The following C2orf42 variants were observed in gnomAD, a reference collection of about 807,000 sequenced individuals.
C2orf42 encodes the protein chromosome 2 open reading frame 42.
In C2orf42, 44 loss-of-function variants were observed where a neutral mutation model predicts 58.9. That is an observed-to-expected ratio of 0.75 (90% CI 0.59 to 0.96). C2orf42 has a LOEUF of 0.96. Ranked by LOEUF, C2orf42 falls within the 40% of genes least tolerant of loss-of-function variation. The probability of loss-of-function intolerance (pLI) is 0.00; values close to 1 mark genes in which losing one functional copy is unlikely to be tolerated. For missense variants in C2orf42, 630 were observed against 699.2 expected, an observed-to-expected ratio of 0.90 and a Z score of 1.12; for synonymous variants, 239 against 265.4, an observed-to-expected ratio of 0.90 and a Z score of 0.97.
intron 9 of C2orf42, among the ~76,000 whole-genome samples, chr2:70,157,975 C>T (rs1024069714): frequency 2.6e-5 from 4 of 151,948 alleles, no homozygotes; most frequent in Non-Finnish European, 5.9e-5. Context: ...CCGAGGTGGG[C>T]GGATCACCAG....
At chr2:70,173,081 T>C (rs912923256) in intron 5 of C2orf42, among the ~76,000 whole-genome samples, 7 of 151,862 alleles carry the variant, frequency 4.6e-5, no homozygotes, top group African/African-American at 9.7e-5. Context: ...GAGATGAACC[T>C]GGGAGGCGAA....
Position 70,181,595 on chromosome 2 carries a change from T to G in C2orf42, c.391A>C (p.Asn131His). 1 of 1,614,110 alleles carries G rather than the reference T, an allele frequency of 6.2e-7. No individual in the cohort carries two copies. Among genetic ancestry groups the G allele is most frequent in the Non-Finnish European group, 8.5e-7 (1 of 1,180,030 alleles). ...GCCAGCTTGATGTGCTGGCACTGGT[T>G]TTCCACAACGCCTTGAGTGGCAGCT... is the stretch of plus-strand genomic sequence containing the variant. ...LKAATQGVVE[N>H]QCQHIKLAVN... The change falls in exon 3 of 10, where the codon AAC becomes CAC. Residue 131 changes from asparagine to histidine, a missense_variant. Coordinates refer to ENST00000264434, the MANE Select transcript of C2orf42 (RefSeq NM_017880.3).
chr2:70,185,701 A>C (rs114433417), intron 1 of C2orf42, among the ~76,000 whole-genome samples: 4,250 of 151,684 alleles, frequency 0.028, 170 homozygotes, highest in African/African-American at 0.096. Context: ...AAACAGAGTG[A>C]GACTTTGTCA....
At chr2:70,172,551 TGCCTGTAGTCCCA>T (rs1322962164) in intron 5 of C2orf42, among the ~76,000 whole-genome samples, 1 of 152,074 alleles carries the variant, frequency 6.6e-6, no homozygotes, top group African/African-American at 2.4e-5. Flanking sequence ...TGGTGGCATG[TGCCTGTAGTCCCA>T]GCTACTTGGG....
In C2orf42 at chr2:70,160,750, C is replaced by G; in HGVS notation, c.1391G>C (p.Arg464Pro). Residue 464 changes from arginine (R) to proline (P), a missense_variant, in exon 9 of 10, where the codon CGA becomes CCA. Coordinates refer to ENST00000264434, the MANE Select transcript of C2orf42 (RefSeq NM_017880.3). ...LEITRSFIQN[R>P]DGTYELFKCP... ...TTTAAATAGCTCATAAGTCCCATCT[C>G]GGTTCTGGATAAAGCTACGGGTGAT... 6.2e-7 allele frequency: 1 copy of G among 1,610,766 alleles called. No individual in the cohort carries two copies. Among genetic ancestry groups the G allele is most frequent in the Non-Finnish European group, 8.5e-7 (1 of 1,178,688 alleles).
chr2:70,182,118 T>A (rs74804018), intron 2 of C2orf42, 121 bp from the exon 3 acceptor site: 1 of 598,684 alleles, frequency 1.7e-6, no homozygotes. Flanking sequence ...TTTTTTTTTT[T>A]AGACGGAGTC....
At chr2:70,168,696 A>G (rs1324578444) in intron 6 of C2orf42, among the ~76,000 whole-genome samples, 1 of 149,806 alleles carries the variant, frequency 6.7e-6, no homozygotes, top group East Asian at 2.0e-4. Flanking sequence ...GTGTTCTCCA[A>G]TCTTCCTCAG....
At chr2:70,179,382 A>T in intron 4 of C2orf42, 150 bp downstream of exon 4, 1 of 307,294 alleles carries the variant, frequency 3.3e-6, no homozygotes, top group Admixed American at 4.8e-5. Flanking sequence ...CAGCCTGGGC[A>T]AGATGGTAAG....
At chr2:70,180,607 C>CAA (rs59381817) in intron 3 of C2orf42, among the ~76,000 whole-genome samples, 797 of 56,926 alleles carry the variant, frequency 0.014, 42 homozygotes, top group African/African-American at 0.043. Flanking sequence ...GATTCTGTCT[C>CAA]AAAAAAAAAA....
chr2:70,181,835 A>G lies in C2orf42; in HGVS notation c.151T>C (p.Phe51Leu), dbSNP rs1323266483. 1.9e-6 allele frequency: 3 copies of G among 1,614,172 alleles called. No homozygotes were observed. Among genetic ancestry groups the G allele is most frequent in the Non-Finnish European group, 2.5e-6 (3 of 1,180,008 alleles). The change falls in exon 3 of 10, where the codon TTC (phenylalanine) becomes CTC (leucine). Residue 51 changes from phenylalanine (F) to leucine (L), a missense_variant. Coordinates refer to ENST00000264434, the MANE Select transcript of C2orf42 (RefSeq NM_017880.3). The part of the protein sequence containing the change: ...SCKNKTCGTI[F>L]RYGARKQPSV... Reference sequence around the variant, plus strand: ...GGCTGCTTGCGTGCACCGTAGCGGAATATGGTTCCACATGTCTTGTTCTTA... The same window carrying G: ...GGCTGCTTGCGTGCACCGTAGCGGAGTATGGTTCCACATGTCTTGTTCTTA...
chr2:70,169,668 A>AG lies in C2orf42; in HGVS notation c.1040-8_1040-7insC. On this transcript the variant is annotated splice_region_variant and splice_polypyrimidine_tract_variant and intron_variant, in intron 5 of 9. Coordinates refer to ENST00000264434, the MANE Select transcript of C2orf42 (RefSeq NM_017880.3). Reference sequence around the variant, plus strand: ...TCTAACAGCTGACCACAGGCTAGGGAAAAAAAAACCACACATACACACTTC... The same window carrying AG: ...TCTAACAGCTGACCACAGGCTAGGGAGAAAAAAAACCACACATACACACTTC... 1.4e-6 allele frequency: 2 copies of AG among 1,429,608 alleles called. No homozygotes were observed. The highest frequency in any genetic ancestry group is 1.4e-5 in the African/African-American group (1 of 71,158). The allele number at this position is 1,429,608 out of a possible 1,614,324, so 88.6% of individuals were successfully genotyped here. A position where few individuals can be genotyped will look rare whatever the true frequency, so the allele number is the denominator to read the frequency against.
chr2:70,181,872 C>T lies in C2orf42; in HGVS notation c.114G>A (p.Arg38=). The part of the protein sequence containing the change: ...CPRCGTYNGT[R]GLSCKNKTCG... ...ATGTCTTGTTCTTACAGCTCAGTCC[C>T]CGGGTTCCATTGTATGTGCCACATC... is the stretch of plus-strand genomic sequence containing the variant. The change falls in exon 3 of 10, where the codon CGG becomes CGA. Residue 38 remains arginine (R), a synonymous_variant. Coordinates refer to ENST00000264434, the MANE Select transcript of C2orf42 (RefSeq NM_017880.3). 6.2e-7 allele frequency: 1 copy of T among 1,613,988 alleles called. No individual in the cohort carries two copies. The highest frequency in any genetic ancestry group is 8.5e-7 in the Non-Finnish European group (1 of 1,179,918).
chr2:70,172,333 A>G (rs1396264228), intron 5 of C2orf42, among the ~76,000 whole-genome samples: 1 of 151,870 alleles, frequency 6.6e-6, no homozygotes, highest in Non-Finnish European at 1.5e-5. Context: ...GCATCTGGAT[A>G]TCTCCAAATT....
chr2:70,176,451 C>A (rs1030206920), intron 4 of C2orf42, among the ~76,000 whole-genome samples: 2 of 151,704 alleles, frequency 1.3e-5, no homozygotes, highest in African/African-American at 4.8e-5. Flanking sequence ...TTGCAGTGAG[C>A]CGAGACTGCG....
intron 3 of C2orf42, 122 bp downstream of exon 3, chr2:70,181,041 T>G: frequency 6.0e-6 from 3 of 503,194 alleles, no homozygotes; most frequent in Non-Finnish European, 1.0e-5. Context: ...GGAACACTTT[T>G]CATTTGAATT....
At chr2:70,190,080 G>C (rs1483915817) in intron 1 of C2orf42, 3 of 152,212 alleles carry the variant, frequency 2.0e-5, no homozygotes, top group Non-Finnish European at 2.9e-5. Context: ...CTGTTTGGCA[G>C]TATTTGAATT....
intron 9 of C2orf42, among the ~76,000 whole-genome samples, chr2:70,157,575 TC>T (rs1339646844): frequency 6.6e-6 from 1 of 152,044 alleles, no homozygotes; most frequent in African/African-American, 2.4e-5. Flanking sequence ...GGTGGGCGGA[TC>T]ATCTGAGGTT....
intron 9 of C2orf42, among the ~76,000 whole-genome samples, chr2:70,157,399 G>C (rs56813612): frequency 6.6e-6 from 1 of 152,054 alleles, no homozygotes; most frequent in African/African-American, 2.4e-5. Context: ...AGCCTGCAGT[G>C]AGCCGAGATC....
chr2:70,181,762 T>G lies in C2orf42; in HGVS notation c.224A>C (p.Tyr75Ser). The change falls in exon 3 of 10, where the codon TAC becomes TCC. Residue 75 changes from tyrosine (Y) to serine (S), a missense_variant. Physicochemically the swap from Tyr to Ser is moderately radical, Grantham distance 144 (BLOSUM62 -2). Transcript: ENST00000264434. ...GCCCCGGTCTCTTTGCCGCACTGAG[T>G]AGACCTGAAGATCAGAGCCTGTAAT... is the stretch of plus-strand genomic sequence containing the variant. ...KIITGSDLQV[Y>S]SVRQRDRGPD... 1 of 1,614,096 alleles carries G rather than the reference T, an allele frequency of 6.2e-7. No individual in the cohort carries two copies. Among genetic ancestry groups the G allele is most frequent in the Non-Finnish European group, 8.5e-7 (1 of 1,179,972 alleles).
Sources: gnomAD v4.1 joint callset for allele counts (sites outside exome capture counted in the v4.1 genomes callset) on GRCh38, gnomAD v4.1.1 for gene constraint, MANE v1.5 for transcripts, NCBI Gene and HGNC (gene_info 2026-07-23, HGNC 2026-07-21) for gene names.